Variants in FRMD4B observed in about 807,000 individuals in gnomAD.
FRMD4B encodes the protein FERM domain containing 4B.
Under a neutral mutation model 141.5 loss-of-function variants are expected in FRMD4B, and 74 were observed. That is an observed-to-expected ratio of 0.52 (90% confidence interval 0.43 to 0.63). FRMD4B has a LOEUF of 0.63. Ranked by LOEUF, FRMD4B falls within the 30% of genes least tolerant of loss-of-function variation. The pLI is 0.00. For missense variants in FRMD4B, 1,366 were observed against 1,253.4 expected (o/e 1.09, Z -1.36); for synonymous variants, 506 against 467.9 (o/e 1.08, Z -1.05).
chr3:69,451,469 C>T (rs1335784530), intron 1 of FRMD4B, among the ~76,000 whole-genome samples: 4 of 152,104 alleles, frequency 2.6e-5, no homozygotes, highest in Non-Finnish European at 4.4e-5. Context: ...GGAAACAGCA[C>T]GGTGGTACAC....
Position 69,366,223 on chromosome 3 carries a change from G to A in FRMD4B, c.162+19605C>T, listed in dbSNP as rs1380107304. Among the ~76,000 whole-genome samples the A allele has an allele frequency of 2.0e-5, 3 of 149,480 alleles. No individual in the cohort carries two copies. In the Admixed American group the frequency reaches 2.0e-4, roughly 10 times the overall value. On this transcript the variant is annotated intron_variant, in intron 1 of 22. Transcript: ENST00000398540. Reference sequence around the variant, plus strand: ...TGCAGTGGGCCGAGATTGCATCACTGCACTCCAACCTAGGCAACAGAGCAA... The same window carrying A: ...TGCAGTGGGCCGAGATTGCATCACTACACTCCAACCTAGGCAACAGAGCAA...
At chr3:69,372,674 T>TAAAC (rs1255009936) in intron 1 of FRMD4B, among the ~76,000 whole-genome samples, 88 of 140,650 alleles carry the variant, frequency 6.3e-4, no homozygotes, top group Admixed American at 5.3e-3. Context: ...CAAAAACAAA[T>TAAAC]AAATAAATAA....
In FRMD4B at chr3:69,319,754, T is replaced by C. The variant is rs114095636; in HGVS notation, c.163-6237A>G. 3.4e-3 allele frequency among the ~76,000 whole-genome samples: 515 copies of C among 152,240 alleles called. 4 individuals carry two copies. Among genetic ancestry groups the C allele is most frequent in the African/African-American group, 0.012 (489 of 41,544 alleles). On this transcript the variant is annotated intron_variant, in intron 1 of 22. Coordinates refer to ENST00000398540, the MANE Select transcript of FRMD4B (RefSeq NM_015123.3). ...GTTAGAGAGATGATAAATAACAAAATTCATAAGTGGCAGAACCAGATCCAA... is the reference window on the plus strand; with the variant it reads ...GTTAGAGAGATGATAAATAACAAAACTCATAAGTGGCAGAACCAGATCCAA...
chr3:69,377,889 C>T (rs1704015036), intron 1 of FRMD4B, among the ~76,000 whole-genome samples: 2 of 151,908 alleles, frequency 1.3e-5, no homozygotes, highest in South Asian at 4.1e-4. Flanking sequence ...CTGCTCACCG[C>T]AACCTCTGCC....
At chr3:69,474,306 G>A (rs1445244295) in intron 1 of FRMD4B, among the ~76,000 whole-genome samples, 1 of 152,208 alleles carries the variant, frequency 6.6e-6, no homozygotes, top group African/African-American at 2.4e-5. Context: ...AATTCTGGTA[G>A]AGTAGGAACC....
rs567451506 is a variant in FRMD4B at position 69,467,190 on chromosome 3, G to T, written c.-128-34429C>A. Among the ~76,000 whole-genome samples, 6 of 152,248 alleles carry T rather than the reference G, an allele frequency of 3.9e-5. No homozygotes were observed. The East Asian group carries it at 1.2e-3, about 29-fold the overall frequency. On this transcript the variant is annotated intron_variant, in intron 1 of 5. Coordinates refer to the FRMD4B transcript ENST00000459638. ...CCAATGAGAAGTGGAGGTACTGTTT[G>T]GGTCTGCAATTTGACATGTCACTTT...
intron 1 of FRMD4B, among the ~76,000 whole-genome samples, chr3:69,523,168 G>C (rs4855412): frequency 0.23 from 34,517 of 151,162 alleles, 4,133 homozygotes; most frequent in African/African-American, 0.27. Flanking sequence ...AAATGGCAAT[G>C]GATAGAATGA....
chr3:69,226,417 C>T (rs2093254622), intron 7 of FRMD4B, among the ~76,000 whole-genome samples: 3 of 117,436 alleles, frequency 2.6e-5, no homozygotes, highest in Non-Finnish European at 3.5e-5. Flanking sequence ...TCTGGCATAC[C>T]ACATTTACTT....
chr3:69,490,977 C>T (rs1277002572), intron 1 of FRMD4B, among the ~76,000 whole-genome samples: 7 of 152,142 alleles, frequency 4.6e-5, no homozygotes, highest in Non-Finnish European at 8.8e-5. Flanking sequence ...TTTTTTGATG[C>T]TAAAAACCTC....
chr3:69,506,908 T>C (rs888001976), intron 1 of FRMD4B, among the ~76,000 whole-genome samples: 4 of 152,180 alleles, frequency 2.6e-5, no homozygotes, highest in Admixed American at 6.5e-5. Context: ...TTTATTTTAA[T>C]ATAAATGCTG....
chr3:69,173,867 C>T (rs1351948746), intron 22 of FRMD4B, among the ~76,000 whole-genome samples: 2 of 152,166 alleles, frequency 1.3e-5, no homozygotes, highest in South Asian at 4.1e-4. Flanking sequence ...GGCTGGGCGC[C>T]GTGGGTTACA....
intron 1 of FRMD4B, among the ~76,000 whole-genome samples, chr3:69,529,516 T>G (rs1485840099): frequency 6.6e-6 from 1 of 152,088 alleles, no homozygotes; most frequent in Non-Finnish European, 1.5e-5. Context: ...AGGCCAGAGC[T>G]CTTCCTAACC....
chr3:69,292,423 A>G (rs1432176526), intron 4 of FRMD4B, among the ~76,000 whole-genome samples: 1 of 152,226 alleles, frequency 6.6e-6, no homozygotes, highest in Non-Finnish European at 1.5e-5. Flanking sequence ...CTTGGCACCA[A>G]ATCAATTTGT....
intron 8 of FRMD4B, 133 bp downstream of exon 8, chr3:69,224,474 C>T: frequency 1.5e-6 from 1 of 682,830 alleles, no homozygotes; most frequent in Non-Finnish European, 2.7e-6. Flanking sequence ...CAAGGTCTAC[C>T]TATGGTTACT....
At chr3:69,338,211 A>G (rs2107362423) in intron 1 of FRMD4B, among the ~76,000 whole-genome samples, 1 of 152,334 alleles carries the variant, frequency 6.6e-6, no homozygotes, top group Non-Finnish European at 1.5e-5. Flanking sequence ...GCAAGGACAA[A>G]AAACCAAACT....
chr3:69,177,596 G>A (rs1273477236), intron 21 of FRMD4B, among the ~76,000 whole-genome samples: 4 of 152,084 alleles, frequency 2.6e-5, no homozygotes, highest in Non-Finnish European at 5.9e-5. Context: ...GCTACAGTGA[G>A]CCATGTTTGC....
intron 1 of FRMD4B, among the ~76,000 whole-genome samples, chr3:69,468,057 G>A (rs1705823900): frequency 6.6e-6 from 1 of 152,188 alleles, no homozygotes; most frequent in South Asian, 2.1e-4. Context: ...AAGAGCAAAT[G>A]TGCAATAAAT....
Position 69,292,259 on chromosome 3 carries a change from A to G in FRMD4B, c.417-4423T>C, listed in dbSNP as rs369334385. ...TGAAATCCATAGAACTAAGCACCACAGGAGAGGGGACAGTTGAGCTGAGTC... is the reference window on the plus strand; with the variant it reads ...TGAAATCCATAGAACTAAGCACCACGGGAGAGGGGACAGTTGAGCTGAGTC... On this transcript the variant is annotated intron_variant, in intron 4 of 22. Transcript: ENST00000398540. Among the ~76,000 whole-genome samples, 13 of 152,282 alleles carry G rather than the reference A, an allele frequency of 8.5e-5. 1 individual carries two copies. Among genetic ancestry groups the G allele is most frequent in the African/African-American group, 3.1e-4 (13 of 41,566 alleles).
Position 69,422,382 on chromosome 3 carries a change from G to GAAA in FRMD4B, c.-1+10249_-1+10251dup, listed in dbSNP as rs374932228. ...AGCCTGAGCAACAGAGCGAGACTCT[G>GAAA]AAAAAAAAAAAAAAAGAAGAGAAAA... On this transcript the variant is annotated intron_variant, in intron 2 of 5. Transcript: ENST00000459638. 7.5e-3 allele frequency among the ~76,000 whole-genome samples: 917 copies of GAAA among 122,774 alleles called. 11 individuals carry two copies. Among genetic ancestry groups the GAAA allele is most frequent in the African/African-American group, 0.026 (823 of 32,006 alleles). 80.5% of individuals were successfully genotyped at this position (122,774 alleles called of 152,430 possible).
Sources: gnomAD v4.1 joint callset for allele counts (sites outside exome capture counted in the v4.1 genomes callset) on GRCh38, gnomAD v4.1.1 for gene constraint, MANE v1.5 for transcripts, NCBI Gene and HGNC (gene_info 2026-07-23, HGNC 2026-07-21) for gene names.